PDE8B: variants seen among roughly 807,000 people sequenced by gnomAD.
PDE8B encodes the protein high affinity cAMP-specific and IBMX-insensitive 3',5'-cyclic phosphodiesterase 8B.
Under a neutral mutation model 101.3 loss-of-function variants are expected in PDE8B, and 26 were observed. The ratio of observed to expected loss-of-function variants is 0.26; its 90% CI spans 0.19 to 0.36. The LOEUF is 0.36. Ranked by LOEUF, PDE8B falls within the 10% of genes least tolerant of loss-of-function variation. The pLI, the probability that PDE8B is intolerant of heterozygous loss-of-function variation, is 1.00. For missense variants in PDE8B, 810 were observed against 1,163.1 expected (o/e 0.70, Z 4.42); for synonymous variants, 424 against 429.3 (o/e 0.99, Z 0.15).
the PDE8B span, among the ~76,000 whole-genome samples, chr5:77,132,811 G>T: frequency 2.6e-5 from 4 of 152,160 alleles, no homozygotes; most frequent in Admixed American, 2.6e-4. Flanking sequence ...CTAAGGAAAG[G>T]TCTATGGGAG....
chr5:77,095,793 C>T, the PDE8B span, among the ~76,000 whole-genome samples: 1 of 152,168 alleles, frequency 6.6e-6, no homozygotes, highest in Non-Finnish European at 1.5e-5. Flanking sequence ...TTTTACCATT[C>T]TTCTCCCCAA....
intron 1 of PDE8B, among the ~76,000 whole-genome samples, chr5:77,212,883 T>C (rs1748811564): frequency 6.6e-6 from 1 of 152,246 alleles, no homozygotes; most frequent in African/African-American, 2.4e-5. Context: ...GTTGAAGACC[T>C]GAAGCAGTAG....
At chr5:77,368,929 G>A (rs886914525) in intron 10 of PDE8B, among the ~76,000 whole-genome samples, 9 of 152,120 alleles carry the variant, frequency 5.9e-5, no homozygotes, top group African/African-American at 1.4e-4. Flanking sequence ...GAGGCTGGGC[G>A]CAGTGGCTCA....
At chr5:77,347,330 G>A (rs1221926266) in intron 7 of PDE8B, among the ~76,000 whole-genome samples, 1 of 152,192 alleles carries the variant, frequency 6.6e-6, no homozygotes, top group Non-Finnish European at 1.5e-5. Flanking sequence ...AATTGGCAGA[G>A]CCAGGATTTG....
At chr5:77,196,972 TA>T in the PDE8B span, among the ~76,000 whole-genome samples, 48 of 152,152 alleles carry the variant, frequency 3.2e-4, 1 homozygote, top group African/African-American at 1.1e-3. Context: ...TCTGTTGACA[TA>T]AATTTGTTTC....
the PDE8B span, among the ~76,000 whole-genome samples, chr5:77,191,477 C>T: frequency 5.9e-5 from 9 of 151,948 alleles, no homozygotes; most frequent in South Asian, 6.2e-4. Context: ...CTCAGCCTCC[C>T]GAGTAGCTGG....
chr5:77,358,816 T>C (rs1166929955), intron 10 of PDE8B, among the ~76,000 whole-genome samples: 6 of 152,336 alleles, frequency 3.9e-5, no homozygotes, highest in Middle Eastern at 3.4e-3. Flanking sequence ...CACAGAAATG[T>C]ATTTTATGTA....
chr5:77,188,278 A>G, the PDE8B span, among the ~76,000 whole-genome samples: 2 of 152,202 alleles, frequency 1.3e-5, no homozygotes, highest in Admixed American at 6.5e-5. Flanking sequence ...GAGATGAATA[A>G]TATTGATAAA....
chr5:77,094,928 A>G, the PDE8B span, among the ~76,000 whole-genome samples: 315 of 152,302 alleles, frequency 2.1e-3, no homozygotes, highest in Middle Eastern at 0.01. Context: ...CATACCTCCC[A>G]TTATGCCCCA....
the PDE8B span, among the ~76,000 whole-genome samples, chr5:77,162,946 A>C: frequency 6.6e-6 from 1 of 152,236 alleles, no homozygotes; most frequent in Non-Finnish European, 1.5e-5. Context: ...ATTGGTTCCC[A>C]TATTTGCTTT....
At chr5:77,088,961 A>T in the PDE8B span, among the ~76,000 whole-genome samples, 1 of 152,202 alleles carries the variant, frequency 6.6e-6, no homozygotes, top group African/African-American at 2.4e-5. Flanking sequence ...TATCCTTAAA[A>T]GAAGAACAAG....
intron 19 of PDE8B, among the ~76,000 whole-genome samples, chr5:77,420,154 G>A (rs1425526910): frequency 6.6e-6 from 1 of 152,132 alleles, no homozygotes; most frequent in South Asian, 2.1e-4. Context: ...GGAAGGAGAC[G>A]CAGACGAACA....
At chr5:77,340,610 TG>T (rs1253196026) in intron 6 of PDE8B, among the ~76,000 whole-genome samples, 1 of 150,298 alleles carries the variant, frequency 6.7e-6, no homozygotes, top group Non-Finnish European at 1.5e-5. Flanking sequence ...AGTGTGTGTG[TG>T]TGTGTGTGTG....
chr5:77,110,105 G>A, the PDE8B span, among the ~76,000 whole-genome samples: 2 of 151,390 alleles, frequency 1.3e-5, no homozygotes, highest in African/African-American at 4.9e-5. Context: ...GCCCCAGTAA[G>A]TTTTGTTTTT....
intron 1 of PDE8B, among the ~76,000 whole-genome samples, chr5:77,252,476 C>T (rs898442716): frequency 3.3e-5 from 5 of 152,140 alleles, no homozygotes; most frequent in Non-Finnish European, 5.9e-5. Context: ...ATGTTTTAAA[C>T]TATTCAGTGT....
the PDE8B span, among the ~76,000 whole-genome samples, chr5:77,169,545 G>A: frequency 6.6e-6 from 1 of 152,210 alleles, no homozygotes; most frequent in Non-Finnish European, 1.5e-5. Context: ...GGGAAAGAGA[G>A]TAGGAGAGGA....
At chr5:77,351,037 A>AT (rs778113175) in intron 8 of PDE8B, 28 bp from the exon 9 acceptor site, 1 of 1,562,640 alleles carries the variant, frequency 6.4e-7, no homozygotes. Context: ...TGACTGAAGG[A>AT]TTTTAAGAGC....
the PDE8B span, chr5:77,087,364 T>C: frequency 6.6e-6 from 1 of 152,074 alleles, no homozygotes; most frequent in Non-Finnish European, 1.5e-5. Context: ...TTGGCCAGGG[T>C]TTTAAGATGA....
At chr5:77,109,067 T>A in the PDE8B span, among the ~76,000 whole-genome samples, 3 of 152,196 alleles carry the variant, frequency 2.0e-5, no homozygotes, top group Non-Finnish European at 4.4e-5. Flanking sequence ...TTCTAGGGAC[T>A]ATTTTGAGTT....
Sources: gnomAD v4.1 joint callset for allele counts (sites outside exome capture counted in the v4.1 genomes callset) on GRCh38, gnomAD v4.1.1 for gene constraint, MANE v1.5 for transcripts, NCBI Gene and HGNC (gene_info 2026-07-23, HGNC 2026-07-21) for gene names.